ITGA8: variants seen among roughly 807,000 people sequenced by gnomAD.
The protein encoded by ITGA8 is integrin subunit alpha 8.
A neutral mutation model predicts 142.3 loss-of-function variants in ITGA8; 91 were observed. The ratio of observed to expected loss-of-function variants is 0.64; its 90% CI spans 0.54 to 0.76. The LOEUF is 0.76. ITGA8 is among the 30% of genes least tolerant of loss of function. The probability of loss-of-function intolerance (pLI) is 0.00; values close to 1 mark genes in which losing one functional copy is unlikely to be tolerated. For synonymous variants in ITGA8, 505 were observed against 485.2 expected, an observed-to-expected ratio of 1.04 and a Z score of -0.54; for missense variants, 1,406 against 1,327.7, an observed-to-expected ratio of 1.06 and a Z score of -0.92.
intron 8 of ITGA8, among the ~76,000 whole-genome samples, chr10:15,664,729 A>G (rs1393399992): frequency 7.6e-6 from 1 of 131,362 alleles, no homozygotes; most frequent in Non-Finnish European, 1.5e-5. Flanking sequence ...ATGTGCTCTC[A>G]TTGTTCAATT....
chr10:15,663,676 C>T (rs1044384275), intron 8 of ITGA8, among the ~76,000 whole-genome samples: 6 of 151,996 alleles, frequency 3.9e-5, no homozygotes, highest in African/African-American at 1.5e-4. Flanking sequence ...TCAAGTGATC[C>T]TCCTGCCTCA....
At chr10:15,522,687 C>A (rs1465152995) in intron 28 of ITGA8, among the ~76,000 whole-genome samples, 1 of 152,180 alleles carries the variant, frequency 6.6e-6, no homozygotes, top group Non-Finnish European at 1.5e-5. Flanking sequence ...GTGAGCCAGG[C>A]AATGGATCTT....
intron 25 of ITGA8, among the ~76,000 whole-genome samples, chr10:15,558,882 G>A (rs1833928516): frequency 6.6e-6 from 1 of 152,216 alleles, no homozygotes; most frequent in Non-Finnish European, 1.5e-5. Context: ...TAAATATTTT[G>A]AGAATTCCAA....
At chr10:15,545,746 C>A (rs1833656823) in intron 27 of ITGA8, among the ~76,000 whole-genome samples, 1 of 151,864 alleles carries the variant, frequency 6.6e-6, no homozygotes, top group Non-Finnish European at 1.5e-5. Flanking sequence ...GTATTGTGTG[C>A]CTGAGATTCA....
intron 22 of ITGA8, among the ~76,000 whole-genome samples, chr10:15,589,768 T>TG (rs1832894725): frequency 6.6e-6 from 1 of 150,672 alleles, no homozygotes; most frequent in Admixed American, 6.6e-5. Flanking sequence ...CGCTGTATTT[T>TG]TTTTTTTTTT....
intron 14 of ITGA8, among the ~76,000 whole-genome samples, chr10:15,614,638 C>T (rs371712015): frequency 6.6e-5 from 10 of 152,174 alleles, no homozygotes; most frequent in African/African-American, 2.2e-4. Flanking sequence ...AAGATATGAT[C>T]GTTGGAAGCC....
At position 15,633,029 on chromosome 10, in the gene ITGA8, A is replaced by G. The variant is rs186983478; in HGVS notation, c.1399+11001T>C. Among the ~76,000 whole-genome samples the G allele has an allele frequency of 2.0e-5, 3 of 152,120 alleles. No individual in the cohort carries two copies. In the East Asian group the frequency reaches 5.8e-4, roughly 29 times the overall value. On this transcript the variant is annotated intron_variant, in intron 13 of 29. Transcript: ENST00000378076. ...ACTTTTGATTTCATGTTTCTTTTTC[A>G]TTATTACTCATTCTGCTCATTGCTA...
At chr10:15,550,632 G>T (rs1833777088) in intron 26 of ITGA8, among the ~76,000 whole-genome samples, 1 of 152,188 alleles carries the variant, frequency 6.6e-6, no homozygotes. Context: ...ACCAGGGCAT[G>T]CTTGAGAAAG....
intron 2 of ITGA8, among the ~76,000 whole-genome samples, chr10:15,701,782 G>C (rs1420657410): frequency 6.6e-6 from 1 of 152,186 alleles, no homozygotes; most frequent in Non-Finnish European, 1.5e-5. Context: ...CTTTAAGTTT[G>C]TCTCCTTGGA....
intron 2 of ITGA8, among the ~76,000 whole-genome samples, chr10:15,699,163 A>C (rs577168819): frequency 6.6e-6 from 1 of 152,322 alleles, no homozygotes; most frequent in Non-Finnish European, 1.5e-5. Context: ...ACATGCCTGT[A>C]GTCTCAGCTA....
chr10:15,682,440 A>G (rs1206103383), intron 4 of ITGA8, among the ~76,000 whole-genome samples: 2 of 152,182 alleles, frequency 1.3e-5, no homozygotes, highest in Non-Finnish European at 2.9e-5. Flanking sequence ...TCCTTATTCC[A>G]TGGACTATCC....
chr10:15,633,954 T>A (rs527460211), intron 13 of ITGA8, among the ~76,000 whole-genome samples: 2 of 152,310 alleles, frequency 1.3e-5, no homozygotes, highest in South Asian at 4.1e-4. Flanking sequence ...GTTCCCTGAT[T>A]CAATGCTCCC....
intron 13 of ITGA8, among the ~76,000 whole-genome samples, chr10:15,619,909 G>GT (rs1833458014): frequency 6.6e-6 from 1 of 152,066 alleles, no homozygotes; most frequent in Non-Finnish European, 1.5e-5. Flanking sequence ...CTTTGTTCTT[G>GT]GCCCCAAATA....
At chr10:15,637,005 C>T (rs543175371) in intron 13 of ITGA8, among the ~76,000 whole-genome samples, 4 of 152,232 alleles carry the variant, frequency 2.6e-5, no homozygotes, top group African/African-American at 7.2e-5. Flanking sequence ...ATTAGCTGGG[C>T]GTGGTGGCAC....
intron 13 of ITGA8, among the ~76,000 whole-genome samples, chr10:15,619,108 C>T (rs1833444802): frequency 6.6e-6 from 1 of 152,134 alleles, no homozygotes; most frequent in African/African-American, 2.4e-5. Flanking sequence ...CCAGGTGGGG[C>T]CCTGATTGCC....
Position 15,718,770 on chromosome 10 carries a change from G to A in ITGA8, c.339C>T (p.Thr113=). The A allele has an allele frequency of 6.2e-7, 1 of 1,613,850 alleles. No individual in the cohort carries two copies. The highest frequency in any genetic ancestry group is 8.5e-7 in the Non-Finnish European group (1 of 1,179,846). ...AGAAGGACAAATCTCACTTACTGGT[G>A]GTGTCAAACGGTATCTGCCTGCACT... ...SAQCRQIPFD[T]TNNRKIRVNG... The change falls in exon 2 of 30, where the codon ACC becomes ACT. Residue 113 remains threonine, a synonymous_variant. Transcript: ENST00000378076.
At position 15,519,326 on chromosome 10, in the gene ITGA8, CA is replaced by C; in HGVS notation, c.3068del (p.Leu1023CysfsTer7). 6.2e-7 allele frequency: 1 copy of C among 1,613,760 alleles called. No individual in the cohort carries two copies. The highest frequency in any genetic ancestry group is 8.5e-7 in the Non-Finnish European group (1 of 1,179,890). ...WVIILAILLG[L>X]LVLAILTLAL... ...CTAAGGTTAAAATGGCGAGAACCAA[CA>C]ATCCAAGAAGTATTGCTAGTATTAT... is the stretch of plus-strand genomic sequence containing the variant. On this transcript the variant is annotated frameshift_variant, in exon 29 of 30. Coordinates refer to ENST00000378076, the MANE Select transcript of ITGA8 (RefSeq NM_003638.3). LOFTEE classifies it high-confidence loss of function.
At chr10:15,540,877 C>T (rs1833554939) in intron 27 of ITGA8, among the ~76,000 whole-genome samples, 1 of 152,162 alleles carries the variant, frequency 6.6e-6, no homozygotes, top group African/African-American at 2.4e-5. Flanking sequence ...CTTCATTGCT[C>T]ATCAGCATAA....
At chr10:15,718,311 A>T (rs1835491143) in intron 2 of ITGA8, among the ~76,000 whole-genome samples, 1 of 152,194 alleles carries the variant, frequency 6.6e-6, no homozygotes, top group South Asian at 2.1e-4. Context: ...TTAAACAGCA[A>T]CGCGGAGTGA....
Sources: allele counts gnomAD v4.1 joint callset (sites outside exome capture counted in the v4.1 genomes callset), GRCh38; gene constraint gnomAD v4.1.1; transcripts MANE v1.5; gene names NCBI Gene and HGNC (gene_info 2026-07-23, HGNC 2026-07-21).